Variants in ARMC8 observed in about 807,000 individuals in gnomAD.
The protein encoded by ARMC8 is armadillo repeat-containing protein 8.
ARMC8 carries 20 observed loss-of-function variants against 99.3 expected under a neutral mutation model. The observed-to-expected ratio is 0.20, with a 90% CI of 0.14 to 0.29. The LOEUF (loss-of-function observed/expected upper bound fraction) is 0.29, where lower values mean the gene tolerates loss of function less well. Ranked by LOEUF, ARMC8 falls within the 10% of genes least tolerant of loss-of-function variation. The pLI is 1.00. For synonymous variants in ARMC8, 263 were observed against 278.3 expected (o/e 0.95, Z 0.55); for missense variants, 569 against 809.5 (o/e 0.70, Z 3.60).
At chr3:138,274,269 T>C (rs1409770363) in intron 17 of ARMC8, among the ~76,000 whole-genome samples, 180 bp from the exon 18 acceptor site, 2 of 151,816 alleles carry the variant, frequency 1.3e-5, no homozygotes, top group African/African-American at 4.9e-5. Flanking sequence ...GTATGACATA[T>C]TTGAAGGCAA....
chr3:138,202,057 A>G (rs1291657797), intron 1 of ARMC8, among the ~76,000 whole-genome samples: 2 of 152,336 alleles, frequency 1.3e-5, no homozygotes, highest in South Asian at 2.1e-4. Context: ...TTCATTTAAA[A>G]TCGAACTTTT....
intron 18 of ARMC8, among the ~76,000 whole-genome samples, chr3:138,281,920 T>C (rs764604059): frequency 3.9e-5 from 6 of 152,208 alleles, no homozygotes; most frequent in Admixed American, 1.3e-4. Flanking sequence ...TTCTTATTCA[T>C]AATAAGGATC....
At chr3:138,239,731 C>T (rs2046515740) in intron 10 of ARMC8, among the ~76,000 whole-genome samples, 1 of 152,046 alleles carries the variant, frequency 6.6e-6, no homozygotes, top group Admixed American at 6.6e-5. Context: ...CGAAAGTCAG[C>T]GTGAAATAAT....
intron 12 of ARMC8, among the ~76,000 whole-genome samples, chr3:138,258,476 G>A (rs2047509560): frequency 6.6e-6 from 1 of 152,166 alleles, no homozygotes; most frequent in South Asian, 2.1e-4. Flanking sequence ...AAGTTCCCTT[G>A]TAGCCAAAGG....
chr3:138,284,487 G>C lies in ARMC8; in HGVS notation c.1782G>C (p.Met594Ile). The C allele has an allele frequency of 1.2e-6, 2 of 1,613,582 alleles. No homozygotes were observed. Among genetic ancestry groups the C allele is most frequent in the Non-Finnish European group, 1.7e-6 (2 of 1,179,558 alleles). The change falls in exon 19 of 22, where the codon ATG becomes ATC. Residue 594 changes from methionine to isoleucine, a missense_variant. This residue lies in a region of ARMC8 where 227 missense variants were observed against 417.9 expected (regional missense o/e 0.54). Coordinates refer to ENST00000469044, the MANE Select transcript of ARMC8 (RefSeq NM_001363941.2). ...ADGTTAKDLI[M>I]TNDDILQKIK... The stretch of plus-strand genomic sequence containing the variant: ...GGACAACAGCAAAAGATCTTATTAT[G>C]ACCAATGATGATATCCTACAGAAAA...
rs2051508298 is a variant in ARMC8, at chr3:138,296,585, G to A, written c.*693G>A. The A allele has an allele frequency of 6.6e-6, 1 of 152,102 alleles. No homozygotes were observed. The highest frequency in any genetic ancestry group is 1.5e-5 in the Non-Finnish European group (1 of 68,022). The allele number at this position is 152,102 out of a possible 1,614,324, so 9.4% of individuals were successfully genotyped here. A position where few individuals can be genotyped will look rare whatever the true frequency, so the allele number is the denominator to read the frequency against. ...AGAAAAAGTTGGCTATAGTTGGCCT[G>A]ATTAACAGGCACTATACATGGTGCT... On this transcript the variant is annotated 3_prime_UTR_variant, in exon 22 of 22. Transcript: ENST00000469044.
Position 138,296,069 on chromosome 3 carries a change from G to T in ARMC8, c.*177G>T. The T allele has an allele frequency of 5.6e-6, 3 of 537,220 alleles. No individual in the cohort carries two copies. The highest frequency in any genetic ancestry group is 3.1e-5 in the South Asian group (1 of 32,490). 33.3% of individuals were successfully genotyped at this position (537,220 alleles called of 1,614,324 possible). Reference sequence around the variant, plus strand: ...TTCATCTTGAGAACATTTTTTTGAGGTAGTAATTTCCTCAGAAGACTCTTG... The same window carrying T: ...TTCATCTTGAGAACATTTTTTTGAGTTAGTAATTTCCTCAGAAGACTCTTG... On this transcript the variant is annotated 3_prime_UTR_variant, in exon 22 of 22. Coordinates refer to ENST00000469044, the MANE Select transcript of ARMC8 (RefSeq NM_001363941.2).
intron 1 of ARMC8, chr3:138,187,859 G>A (rs1353278617): frequency 9.2e-6 from 5 of 541,038 alleles, no homozygotes; most frequent in African/African-American, 1.9e-5. Context: ...CGGGGTGGCT[G>A]GGCTTATAGA....
intron 16 of ARMC8, among the ~76,000 whole-genome samples, chr3:138,271,194 C>T (rs2048755487): frequency 6.6e-6 from 1 of 152,174 alleles, no homozygotes; most frequent in African/African-American, 2.4e-5. Flanking sequence ...AGATATTTTT[C>T]TCCTGAACTT....
intron 21 of ARMC8, 52 bp downstream of exon 21, chr3:138,290,691 T>C: frequency 8.2e-7 from 1 of 1,213,104 alleles, no homozygotes; most frequent in South Asian, 1.3e-5. Flanking sequence ...GATTCTTTCG[T>C]GAAAGGGTTT....
In ARMC8 at chr3:138,263,719, G is replaced by T; in HGVS notation, c.1135-20G>T. The T allele has an allele frequency of 6.3e-7, 1 of 1,595,328 alleles. No homozygotes were observed. The highest frequency in any genetic ancestry group is 1.1e-5 in the South Asian group (1 of 90,706). On this transcript the variant is annotated intron_variant, in intron 12 of 21. Coordinates refer to ENST00000469044, the MANE Select transcript of ARMC8 (RefSeq NM_001363941.2). ...TCACCTTCATGTTGTTATTTATGCA[G>T]CATTAACCTTTTTCTCCAGATCATT...
At chr3:138,195,284 CAAAAA>C (rs945623878) in intron 1 of ARMC8, among the ~76,000 whole-genome samples, 2 of 55,282 alleles carry the variant, frequency 3.6e-5, no homozygotes, top group Admixed American at 2.0e-4. Flanking sequence ...GACTCCGTCT[CAAAAA>C]AAAAAAAAAA....
At chr3:138,245,267 A>G (rs1425753320) in intron 12 of ARMC8, 84 bp downstream of exon 12, 3 of 1,613,808 alleles carry the variant, frequency 1.9e-6, no homozygotes, top group Non-Finnish European at 2.5e-6. Flanking sequence ...GGTGAAGAGC[A>G]CTAACAGTGA....
intron 21 of ARMC8, among the ~76,000 whole-genome samples, chr3:138,291,618 G>C (rs539252851): frequency 5.3e-5 from 8 of 152,316 alleles, no homozygotes; most frequent in Middle Eastern, 6.8e-3. Context: ...GAGGTACCAT[G>C]AAGAAAAATA....
chr3:138,224,919 A>G (rs746121971), intron 5 of ARMC8, among the ~76,000 whole-genome samples: 6 of 152,128 alleles, frequency 3.9e-5, no homozygotes, highest in African/African-American at 4.8e-5. Flanking sequence ...ATCTCTCTAT[A>G]TGTAGAACTT....
In ARMC8 at chr3:138,212,334, A is replaced by C. The variant is rs967258587; in HGVS notation, c.122+2441A>C. The stretch of plus-strand genomic sequence containing the variant: ...TTTTTTTTTTTTTTTTTTGAGACGG[A>C]GTTTCACTCTTTTTGCCCAGGCTGC... On this transcript the variant is annotated intron_variant, in intron 2 of 21. Coordinates refer to ENST00000469044, the MANE Select transcript of ARMC8 (RefSeq NM_001363941.2). Among the ~76,000 whole-genome samples, 20 of 122,712 alleles carry C rather than the reference A, an allele frequency of 1.6e-4. No homozygotes were observed. The East Asian group carries it at 3.8e-3, about 23-fold the overall frequency. The allele number at this position is 122,712 out of a possible 152,430, so 80.5% of individuals were successfully genotyped here.
intron 12 of ARMC8, among the ~76,000 whole-genome samples, chr3:138,260,936 A>G (rs976144827): frequency 6.6e-6 from 1 of 152,178 alleles, no homozygotes; most frequent in Admixed American, 6.5e-5. Flanking sequence ...CCAAGTTATC[A>G]CTTCTCATTC....
At chr3:138,204,829 A>G (rs978784720) in intron 1 of ARMC8, among the ~76,000 whole-genome samples, 8 of 151,966 alleles carry the variant, frequency 5.3e-5, no homozygotes, top group Admixed American at 1.3e-4. Flanking sequence ...TTAGTTAATT[A>G]ATTTCATTAT....
intron 2 of ARMC8, among the ~76,000 whole-genome samples, chr3:138,215,677 T>A (rs997644271): frequency 6.6e-6 from 1 of 152,108 alleles, no homozygotes; most frequent in Non-Finnish European, 1.5e-5. Context: ...TTTTAGAGAG[T>A]GTAAGGTGAT....
Sources: allele counts gnomAD v4.1 joint callset (sites outside exome capture counted in the v4.1 genomes callset), GRCh38; gene constraint gnomAD v4.1.1; regional missense constraint gnomAD v4.1.1; transcripts MANE v1.5; gene names NCBI Gene and HGNC (gene_info 2026-07-23, HGNC 2026-07-21).